PDE3A: variants seen among roughly 807,000 people sequenced by gnomAD.
PDE3A encodes phosphodiesterase 3A.
PDE3A carries 43 observed loss-of-function variants against 98.3 expected under a neutral mutation model. The observed-to-expected ratio is 0.44, with a 90% CI of 0.34 to 0.56. The LOEUF (loss-of-function observed/expected upper bound fraction) is 0.56, where lower values mean the gene tolerates loss of function less well. PDE3A is among the 20% of genes least tolerant of loss of function. The probability of loss-of-function intolerance (pLI) is 0.01; values close to 1 mark genes in which losing one functional copy is unlikely to be tolerated. For missense variants in PDE3A, 1,427 were observed against 1,440.7 expected (o/e 0.99, Z 0.15); for synonymous variants, 663 against 567.9 (o/e 1.17, Z -2.38).
intron 2 of PDE3A, among the ~76,000 whole-genome samples, chr12:20,570,252 C>A (rs911157290): frequency 6.6e-6 from 1 of 151,422 alleles, no homozygotes; most frequent in Non-Finnish European, 1.5e-5. Context: ...ACTAAAAATA[C>A]AAAAAATTAA....
At position 20,621,285 on chromosome 12, in the gene PDE3A, G is replaced by C. The variant is rs1592120384; in HGVS notation, c.1425-11G>C. ...AATTTTCTTTTAATTCTGTCTTTCTGGTGCTTTTAGTCCTGATTCTTGGAA... is the reference window on the plus strand; with the variant it reads ...AATTTTCTTTTAATTCTGTCTTTCTCGTGCTTTTAGTCCTGATTCTTGGAA... On this transcript the variant is annotated splice_polypyrimidine_tract_variant and intron_variant, in intron 4 of 15. Transcript: ENST00000359062. 12 of 1,404,230 alleles carry C rather than the reference G, an allele frequency of 8.5e-6. No homozygotes were observed. Among genetic ancestry groups the C allele is most frequent in the Non-Finnish European group, 1.2e-5 (12 of 989,570 alleles). The allele number at this position is 1,404,230 out of a possible 1,614,324, so 87.0% of individuals were successfully genotyped here. A position where few individuals can be genotyped will look rare whatever the true frequency, so the allele number is the denominator to read the frequency against.
intron 2 of PDE3A, among the ~76,000 whole-genome samples, chr12:20,592,171 A>C (rs1943353929): frequency 6.6e-6 from 1 of 152,164 alleles, no homozygotes; most frequent in South Asian, 2.1e-4. Flanking sequence ...TAAAGATGTT[A>C]GTTTGGATTT....
chr12:20,438,636 G>A (rs1212278854), intron 1 of PDE3A, among the ~76,000 whole-genome samples: 1 of 152,160 alleles, frequency 6.6e-6, no homozygotes, highest in African/African-American at 2.4e-5. Context: ...TTGCTATGAT[G>A]TGAGTTAGCA....
intron 1 of PDE3A, among the ~76,000 whole-genome samples, chr12:20,501,682 T>C (rs553809040): frequency 4.6e-5 from 7 of 152,312 alleles, no homozygotes; most frequent in African/African-American, 1.7e-4. Context: ...AAAATGAAGC[T>C]ATTTTTTAGT....
chr12:20,552,011 T>C lies in PDE3A; in HGVS notation c.961-4649T>C, dbSNP rs1942219712. 6.2e-7 allele frequency: 1 copy of C among 1,612,366 alleles called. No homozygotes were observed. ...AGCAACGACGGAGCGTACTCCCTAG[T>C]CCTGGCGGGGGGCTACGAGGATGAC... On this transcript the variant is annotated intron_variant, in intron 1 of 15. Coordinates refer to ENST00000359062, the MANE Select transcript of PDE3A (RefSeq NM_000921.5). The surrounding 1 kb of genome is among the most constrained non-coding windows in gnomAD (Gnocchi z 5.1).
At chr12:20,447,089 C>T (rs1190477973) in intron 1 of PDE3A, among the ~76,000 whole-genome samples, 1 of 152,238 alleles carries the variant, frequency 6.6e-6, no homozygotes, top group East Asian at 1.9e-4. Flanking sequence ...GGCATCATTT[C>T]ACTTGCTCTT....
At chr12:20,635,643 C>CCTGGGAGG (rs1565457742) in intron 8 of PDE3A, among the ~76,000 whole-genome samples, 1 of 150,558 alleles carries the variant, frequency 6.6e-6, no homozygotes, top group East Asian at 2.0e-4. Context: ...ATCCCAGCTA[C>CCTGGGAGG]CTGGGAGGCT....
At chr12:20,645,480 A>C (rs1268194543) in intron 10 of PDE3A, among the ~76,000 whole-genome samples, 3 of 152,126 alleles carry the variant, frequency 2.0e-5, no homozygotes, top group African/African-American at 7.2e-5. Flanking sequence ...ATTATGAAGA[A>C]ATGTAATCTC....
At chr12:20,381,936 T>C (rs1011157502) in intron 1 of PDE3A, among the ~76,000 whole-genome samples, 1 of 152,014 alleles carries the variant, frequency 6.6e-6, no homozygotes, top group Non-Finnish European at 1.5e-5. Flanking sequence ...CTATTGTTTA[T>C]GAATTATAAC....
intron 1 of PDE3A, among the ~76,000 whole-genome samples, chr12:20,392,778 A>G (rs61911356): frequency 0.23 from 34,618 of 151,916 alleles, 4,377 homozygotes; most frequent in East Asian, 0.46. Flanking sequence ...ATATAAACAC[A>G]ATGGAATACT....
chr12:20,582,992 C>T (rs1592080426), intron 2 of PDE3A, among the ~76,000 whole-genome samples: 1 of 152,164 alleles, frequency 6.6e-6, no homozygotes, highest in East Asian at 1.9e-4. Context: ...AAATTACAGA[C>T]TGATTCCCTT....
chr12:20,554,382 T>TAA (rs1942310736), intron 1 of PDE3A, among the ~76,000 whole-genome samples: 8 of 138,120 alleles, frequency 5.8e-5, no homozygotes, highest in Middle Eastern at 3.7e-3. Flanking sequence ...ATAAAAAAAA[T>TAA]AAAAAAAGAT....
intron 1 of PDE3A, among the ~76,000 whole-genome samples, chr12:20,400,580 G>A (rs1016780607): frequency 2.6e-5 from 4 of 151,332 alleles, no homozygotes; most frequent in Non-Finnish European, 4.4e-5. Context: ...GACCGCACCC[G>A]GCTAAGTTTT....
rs1213254700 is a variant in PDE3A at position 20,552,886 on chromosome 12, C to G, written c.961-3774C>G. 2.5e-6 allele frequency: 4 copies of G among 1,612,334 alleles called. No homozygotes were observed. The highest frequency in any genetic ancestry group is 3.4e-6 in the Non-Finnish European group (4 of 1,179,150). ...CAAGGACTGCCTGGACAGATCCTTT[C>G]GGGCACAGGTGTTCAGCTGCCCTGC... On this transcript the variant is annotated intron_variant, in intron 1 of 15. Coordinates refer to ENST00000359062, the MANE Select transcript of PDE3A (RefSeq NM_000921.5). The surrounding 1 kb of genome is among the most constrained non-coding windows in gnomAD (Gnocchi z 5.1).
At chr12:20,499,192 G>A (rs1945977649) in intron 1 of PDE3A, among the ~76,000 whole-genome samples, 1 of 152,150 alleles carries the variant, frequency 6.6e-6, no homozygotes, top group South Asian at 2.1e-4. Flanking sequence ...CCATACTCCT[G>A]TAGAATTGTT....
intron 1 of PDE3A, among the ~76,000 whole-genome samples, chr12:20,505,256 G>A (rs961919886): frequency 6.6e-6 from 1 of 151,964 alleles, no homozygotes; most frequent in Non-Finnish European, 1.5e-5. Flanking sequence ...GTGGTACATG[G>A]CCAATTTTTT....
At chr12:20,432,086 TA>T (rs1391165886) in intron 1 of PDE3A, among the ~76,000 whole-genome samples, 6 of 152,322 alleles carry the variant, frequency 3.9e-5, no homozygotes, top group African/African-American at 1.4e-4. Context: ...AAGTTGTTTT[TA>T]TTTATGGAGA....
At position 20,498,509 on chromosome 12, in the gene PDE3A, A is replaced by C. The variant is rs546763299; in HGVS notation, c.961-58151A>C. Among the ~76,000 whole-genome samples the C allele has an allele frequency of 3.3e-5, 5 of 152,310 alleles. No individual in the cohort carries two copies. In the East Asian group the frequency reaches 9.6e-4, roughly 29 times the overall value. ...ATTAGGTATTATAAGTTATCTAGAG[A>C]TGATTTAAAGTGAACGGGAGAATGT... On this transcript the variant is annotated intron_variant, in intron 1 of 15. Coordinates refer to ENST00000359062, the MANE Select transcript of PDE3A (RefSeq NM_000921.5).
At chr12:20,676,917 G>T (rs1225842488) in intron 15 of PDE3A, among the ~76,000 whole-genome samples, 1 of 152,050 alleles carries the variant, frequency 6.6e-6, no homozygotes, top group East Asian at 1.9e-4. Context: ...TGTTAGACTT[G>T]GGAAGTTTTC....
Sources: allele counts gnomAD v4.1 joint callset (sites outside exome capture counted in the v4.1 genomes callset), GRCh38; gene constraint gnomAD v4.1.1; non-coding constraint Gnocchi (gnomAD v3.1); transcripts MANE v1.5; gene names NCBI Gene and HGNC (gene_info 2026-07-23, HGNC 2026-07-21).